Variants in ANXA8 observed in about 807,000 individuals in gnomAD.
ANXA8 encodes the protein VAC-beta.
A neutral mutation model predicts 26.8 loss-of-function variants in ANXA8; 9 were observed. The observed-to-expected ratio is 0.34, with a 90% confidence interval of 0.20 to 0.59. The LOEUF (loss-of-function observed/expected upper bound fraction) is 0.59. Ranked by LOEUF, ANXA8 falls within the 20% of genes least tolerant of loss-of-function variation. ANXA8 has a pLI of 0.84. For missense variants in ANXA8, 83 were observed against 238.5 expected (o/e 0.35, Z 4.29); for synonymous variants, 39 against 94.8 (o/e 0.41, Z 3.42).
At chr10:47,944,412 G>T in the ANXA8 span, among the ~76,000 whole-genome samples, 4 of 149,492 alleles carry the variant, frequency 2.7e-5, no homozygotes, top group South Asian at 8.4e-4. Context: ...CACCCAAGGG[G>T]GGCCCTGAGT....
the ANXA8 span, among the ~76,000 whole-genome samples, chr10:47,605,885 AAT>A: frequency 3.1e-3 from 443 of 144,980 alleles, 2 homozygotes; most frequent in Admixed American, 4.7e-3. Flanking sequence ...GAATATATAA[AAT>A]AGACACTTAA....
At chr10:47,469,848 C>T (rs1839267609) in intron 11 of ANXA8, among the ~76,000 whole-genome samples, 1 of 151,284 alleles carries the variant, frequency 6.6e-6, no homozygotes, top group Admixed American at 6.6e-5. Context: ...CCTGAAATCT[C>T]ATTACGGGTT....
chr10:47,928,844 T>G, the ANXA8 span, among the ~76,000 whole-genome samples: 4 of 111,732 alleles, frequency 3.6e-5, no homozygotes, highest in Non-Finnish European at 7.2e-5. Context: ...CAACTCGAAC[T>G]CCTGGGCTCA....
At chr10:47,647,276 TTTC>T in the ANXA8 span, among the ~76,000 whole-genome samples, 9,765 of 151,048 alleles carry the variant, frequency 0.065, 486 homozygotes, top group African/African-American at 0.23. Context: ...ATTGATATTT[TTTC>T]TTCTTTTATA....
At chr10:47,971,142 G>C in the ANXA8 span, among the ~76,000 whole-genome samples, 1 of 151,242 alleles carries the variant, frequency 6.6e-6, no homozygotes, top group Non-Finnish European at 1.5e-5. Context: ...TGGTTTGTTG[G>C]TGGCTGCCTC....
the ANXA8 span, among the ~76,000 whole-genome samples, chr10:47,593,257 A>C: frequency 6.7e-6 from 1 of 149,328 alleles, no homozygotes; most frequent in East Asian, 1.9e-4. Flanking sequence ...ACCATCCCTA[A>C]GGGAAGGGGG....
At chr10:47,980,910 C>T in the ANXA8 span, among the ~76,000 whole-genome samples, 2 of 151,538 alleles carry the variant, frequency 1.3e-5, no homozygotes, top group East Asian at 1.9e-4. Context: ...AGATTATTGT[C>T]AATTCTTCAC....
the ANXA8 span, among the ~76,000 whole-genome samples, chr10:47,522,084 GC>G: frequency 6.7e-6 from 1 of 150,118 alleles, no homozygotes; most frequent in Non-Finnish European, 1.5e-5. Context: ...ACCAAGCCCA[GC>G]CAAAACTGTA....
At chr10:47,733,219 T>TTCTCTCTC in the ANXA8 span, among the ~76,000 whole-genome samples, 4 of 68,102 alleles carry the variant, frequency 5.9e-5, no homozygotes, top group Admixed American at 5.0e-4. Flanking sequence ...CTTTCTTTCT[T>TTCTCTCTC]TCTCTTTCTT....
At chr10:47,678,720 G>A in the ANXA8 span, among the ~76,000 whole-genome samples, 4 of 151,788 alleles carry the variant, frequency 2.6e-5, no homozygotes, top group Non-Finnish European at 5.9e-5. Flanking sequence ...GAAAAGTGGG[G>A]AAAGGTAGAA....
At chr10:47,548,962 C>A in the ANXA8 span, among the ~76,000 whole-genome samples, 1 of 152,280 alleles carries the variant, frequency 6.6e-6, no homozygotes, top group Non-Finnish European at 1.5e-5. Flanking sequence ...CAGGAAGGAT[C>A]CAAGAAGAAA....
the ANXA8 span, among the ~76,000 whole-genome samples, chr10:47,744,649 G>A: frequency 2.2e-4 from 33 of 151,884 alleles, no homozygotes; most frequent in Non-Finnish European, 1.3e-4. Flanking sequence ...ATCACAATCC[G>A]GCGTCATAGT....
At chr10:47,506,944 T>C in the ANXA8 span, among the ~76,000 whole-genome samples, 1 of 133,632 alleles carries the variant, frequency 7.5e-6, no homozygotes, top group South Asian at 2.5e-4. Context: ...CAGCCTCATA[T>C]TGCTTCTTTG....
the ANXA8 span, chr10:47,496,095 G>C: frequency 2.0e-5 from 3 of 151,764 alleles, no homozygotes; most frequent in East Asian, 5.8e-4. Flanking sequence ...CTGAGAGGCA[G>C]AGGGGCAGTG....
the ANXA8 span, among the ~76,000 whole-genome samples, chr10:47,892,897 GCA>G: frequency 1.7e-5 from 1 of 60,020 alleles, no homozygotes; most frequent in Admixed American, 1.8e-4. Context: ...TATGCAGGTG[GCA>G]AGTGGGGTTC....
At chr10:47,981,246 T>C in the ANXA8 span, among the ~76,000 whole-genome samples, 2 of 150,642 alleles carry the variant, frequency 1.3e-5, no homozygotes, top group South Asian at 4.2e-4. Flanking sequence ...ACAAAATCAA[T>C]ATCCTTTCAT....
chr10:47,945,016 G>A, the ANXA8 span, among the ~76,000 whole-genome samples: 98 of 150,460 alleles, frequency 6.5e-4, no homozygotes, highest in Non-Finnish European at 1.1e-3. Flanking sequence ...TGCCTGGAAT[G>A]TACTCCACCT....
chr10:47,763,659 C>T, the ANXA8 span: 453 of 188,788 alleles, frequency 2.4e-3, 3 homozygotes, highest in African/African-American at 0.01. Context: ...AGTAAGGTCG[C>T]TGCGTGTCCT....
At chr10:47,489,293 C>T in the ANXA8 span, among the ~76,000 whole-genome samples, 1 of 143,946 alleles carries the variant, frequency 6.9e-6, no homozygotes, top group Admixed American at 7.0e-5. Flanking sequence ...GCTGGGATTA[C>T]AGGCATGAGC....
Sources: allele counts gnomAD v4.1 joint callset (sites outside exome capture counted in the v4.1 genomes callset), GRCh38; gene constraint gnomAD v4.1.1; transcripts MANE v1.5; gene names NCBI Gene and HGNC (gene_info 2026-07-23, HGNC 2026-07-21).